SHC3: variants seen among roughly 807,000 people sequenced by gnomAD.
SHC3 encodes the protein SHC-transforming protein 3.
In SHC3, 15 loss-of-function variants were observed where a neutral mutation model predicts 60.4. That is an observed-to-expected ratio of 0.25 (90% confidence interval 0.17 to 0.38). SHC3 has a LOEUF of 0.38. SHC3 is among the 10% of genes least tolerant of loss of function. The pLI is 1.00. For missense variants in SHC3, 677 were observed against 786.1 expected, an observed-to-expected ratio of 0.86 and a Z score of 1.66; for synonymous variants, 294 against 325.9, an observed-to-expected ratio of 0.90 and a Z score of 1.05.
intron 1 of SHC3, among the ~76,000 whole-genome samples, chr9:89,122,577 C>T (rs1027233613): frequency 1.3e-5 from 2 of 152,210 alleles, no homozygotes; most frequent in African/African-American, 4.8e-5. Flanking sequence ...AGACCAAATG[C>T]AGCCATTTTT....
At chr9:89,048,117 AC>A (rs1372672962) in intron 7 of SHC3, among the ~76,000 whole-genome samples, 1 of 151,918 alleles carries the variant, frequency 6.6e-6, no homozygotes, top group African/African-American at 2.4e-5. Context: ...GGTGGCACAC[AC>A]CTGTAGTTCC....
chr9:89,066,301 G>A (rs1825180206), intron 5 of SHC3, among the ~76,000 whole-genome samples: 1 of 152,200 alleles, frequency 6.6e-6, no homozygotes, highest in African/African-American at 2.4e-5. Flanking sequence ...CAGAGTGGAT[G>A]TTCAAAGGCT....
chr9:89,140,803 G>T (rs1355462960), intron 1 of SHC3, among the ~76,000 whole-genome samples: 1 of 152,048 alleles, frequency 6.6e-6, no homozygotes, highest in Non-Finnish European at 1.5e-5. Context: ...ATTATCTCAG[G>T]TTCTCTTATG....
intron 2 of SHC3, among the ~76,000 whole-genome samples, chr9:89,112,355 A>G (rs1193153978): frequency 6.6e-6 from 1 of 152,208 alleles, no homozygotes; most frequent in African/African-American, 2.4e-5. Flanking sequence ...GTGTCCTTCA[A>G]GGTACTTTGG....
intron 2 of SHC3, among the ~76,000 whole-genome samples, chr9:89,089,175 C>T (rs1368435731): frequency 6.6e-6 from 1 of 152,218 alleles, no homozygotes; most frequent in African/African-American, 2.4e-5. Flanking sequence ...CAGAAGCTGG[C>T]TGTCCCATCT....
At chr9:89,016,959 C>A (rs1156842260) in intron 11 of SHC3, among the ~76,000 whole-genome samples, 5 of 152,104 alleles carry the variant, frequency 3.3e-5, no homozygotes, top group Non-Finnish European at 5.9e-5. Flanking sequence ...TCCAACAAAT[C>A]TTACCAAGAG....
At chr9:89,162,831 C>A (rs1276958255) in intron 1 of SHC3, among the ~76,000 whole-genome samples, 3 of 147,496 alleles carry the variant, frequency 2.0e-5, no homozygotes, top group Non-Finnish European at 4.5e-5. Flanking sequence ...AGAAAATTTT[C>A]GCAAGCTACT....
At chr9:89,132,371 G>A (rs1356602423) in intron 1 of SHC3, among the ~76,000 whole-genome samples, 2 of 152,122 alleles carry the variant, frequency 1.3e-5, no homozygotes, top group African/African-American at 2.4e-5. Flanking sequence ...TCCCCATCAA[G>A]CTATCGACGA....
intron 6 of SHC3, among the ~76,000 whole-genome samples, chr9:89,053,148 G>A (rs1824888698): frequency 6.6e-6 from 1 of 152,198 alleles, no homozygotes; most frequent in African/African-American, 2.4e-5. Context: ...AGCCTAGCAT[G>A]ATCTTTTTAC....
Position 89,057,498 on chromosome 9 carries a change from A to G in SHC3, c.836-5335T>C, listed in dbSNP as rs149174513. ...AAAAGTCTAAAAATGCCAATTGTTGAATAAAAGGAGACTTCATATACTACC... is the reference window on the plus strand; with the variant it reads ...AAAAGTCTAAAAATGCCAATTGTTGGATAAAAGGAGACTTCATATACTACC... On this transcript the variant is annotated intron_variant, in intron 6 of 11. Transcript: ENST00000375835. Among the ~76,000 whole-genome samples the G allele has an allele frequency of 1.6e-3, 248 of 152,230 alleles. 1 individual carries two copies. In the East Asian group the frequency reaches 0.029, roughly 18 times the overall value.
At chr9:89,035,850 G>T (rs547909712) in intron 11 of SHC3, among the ~76,000 whole-genome samples, 51,759 of 96,686 alleles carry the variant, frequency 0.54, 13,325 homozygotes, top group East Asian at 0.96. Flanking sequence ...TATATATATA[G>T]ATGTGTGTGT....
In SHC3 at chr9:89,116,833, G is replaced by A. The variant is rs141647434; in HGVS notation, c.475-4207C>T. ...ATACTGCAGTTATGTAAGTACCACC[G>A]ACACCATAACAGAGTGCTGTTTATA... On this transcript the variant is annotated intron_variant, in intron 1 of 11. Transcript: ENST00000375835. 2.1e-3 allele frequency among the ~76,000 whole-genome samples: 326 copies of A among 152,062 alleles called. 1 individual carries two copies. Among genetic ancestry groups the A allele is most frequent in the Middle Eastern group, 0.01 (3 of 292 alleles).
chr9:89,104,037 T>C (rs1300385993), intron 2 of SHC3, among the ~76,000 whole-genome samples: 2 of 152,152 alleles, frequency 1.3e-5, no homozygotes, highest in East Asian at 1.9e-4. Context: ...AAATGCACCA[T>C]GCCAGATGGT....
chr9:89,053,647 G>A (rs572225997), intron 6 of SHC3, among the ~76,000 whole-genome samples: 1 of 152,320 alleles, frequency 6.6e-6, no homozygotes, highest in Non-Finnish European at 1.5e-5. Context: ...ATACGGCAGT[G>A]TTATTTTAGA....
At chr9:89,059,767 TG>T (rs1825047011) in intron 6 of SHC3, among the ~76,000 whole-genome samples, 1 of 15,726 alleles carries the variant, frequency 6.4e-5, no homozygotes, top group African/African-American at 4.2e-4. Context: ...TGGTGGAGGA[TG>T]GTGGTGGAGG....
intron 1 of SHC3, among the ~76,000 whole-genome samples, chr9:89,139,029 A>G (rs1229609496): frequency 6.6e-6 from 1 of 152,190 alleles, no homozygotes; most frequent in Non-Finnish European, 1.5e-5. Flanking sequence ...AAGCAAAATA[A>G]GTACAATTAT....
intron 5 of SHC3, among the ~76,000 whole-genome samples, chr9:89,068,141 G>A (rs1405466322): frequency 6.6e-6 from 1 of 152,178 alleles, no homozygotes; most frequent in Admixed American, 6.5e-5. Context: ...GAAGCACTAA[G>A]TTCCAAAGAC....
rs1360008409 is a variant in SHC3, at chr9:89,075,164, A to G, written c.674T>C (p.Ile225Thr). Reference sequence around the variant, plus strand: ...ACTGGCCGTGGAGATGGTCAGAGAGATGCTCATTCCCGCAAACTGGAGGTT... The same window carrying G: ...ACTGGCCGTGGAGATGGTCAGAGAGGTGCTCATTCCCGCAAACTGGAGGTT... The part of the protein sequence containing the change: ...KSNLQFAGMS[I>T]SLTISTASLN... The change falls in exon 4 of 12, where the codon ATC becomes ACC. Residue 225 changes from isoleucine (I) to threonine (T), a missense_variant. Ile to Thr is a moderately conservative substitution (Grantham distance 89). Coordinates refer to ENST00000375835, the MANE Select transcript of SHC3 (RefSeq NM_016848.6). 6.2e-7 allele frequency: 1 copy of G among 1,613,862 alleles called. No homozygotes were observed. Among genetic ancestry groups the G allele is most frequent in the African/African-American group, 1.3e-5 (1 of 74,904 alleles).
chr9:89,096,817 A>G (rs1825709673), intron 2 of SHC3, among the ~76,000 whole-genome samples: 1 of 152,236 alleles, frequency 6.6e-6, no homozygotes, highest in Admixed American at 6.5e-5. Flanking sequence ...TAAAATGCAC[A>G]GGACAGCTGG....
Sources: gnomAD v4.1 joint callset for allele counts (sites outside exome capture counted in the v4.1 genomes callset) on GRCh38, gnomAD v4.1.1 for gene constraint, MANE v1.5 for transcripts, NCBI Gene and HGNC (gene_info 2026-07-23, HGNC 2026-07-21) for gene names.